The following TMEM164 variants were observed in gnomAD, a reference collection of about 807,000 sequenced individuals.
TMEM164 encodes RP13-360B22.2.
TMEM164 carries 4 observed loss-of-function variants against 18.8 expected under a neutral mutation model. The ratio of observed to expected loss-of-function variants is 0.21; its 90% confidence interval spans 0.10 to 0.49. The LOEUF is 0.49. Among genes scored for constraint, TMEM164 ranks in the 20% least tolerant of loss-of-function variants. The probability of loss-of-function intolerance (pLI) is 0.98; values close to 1 mark genes in which losing one functional copy is unlikely to be tolerated. For synonymous variants in TMEM164, 86 were observed against 101.7 expected (o/e 0.85, Z 0.93); for missense variants, 108 against 239.9 (o/e 0.45, Z 3.63).
intron 2 of TMEM164, among the ~76,000 whole-genome samples, chrX:110,065,756 C>G (rs1298992060): frequency 1.8e-5 from 2 of 111,405 alleles, no homozygotes; most frequent in Non-Finnish European, 3.8e-5. Context: ...ACATACACTC[C>G]CAGTGGGGTT....
intron 2 of TMEM164, among the ~76,000 whole-genome samples, chrX:110,014,533 G>A (rs1374898587): frequency 9.0e-6 from 1 of 110,854 alleles, no homozygotes; most frequent in Non-Finnish European, 1.9e-5. Flanking sequence ...AATTTAGAAG[G>A]TGGCTCTCAT....
At position 110,176,645 on chromosome X, in the gene TMEM164, C is replaced by T. The variant is rs1382509510; in HGVS notation, c.*3194C>T. The T allele has an allele frequency of 8.6e-6, 1 of 115,724 alleles. No homozygotes were observed. The highest frequency in any genetic ancestry group is 2.8e-4 in the East Asian group (1 of 3,568). 9.5% of individuals were successfully genotyped at this position (115,724 alleles called of 1,213,427 possible). On this transcript the variant is annotated 3_prime_UTR_variant, in exon 7 of 7. Transcript: ENST00000372068. ...AATTCAGTGTCCTATGAAGTGGGCA[C>T]AGCTCCCCACAGAGAGCAAGTTGTC... is the stretch of plus-strand genomic sequence containing the variant.
At chrX:110,116,861 CGTGTGTGTGTGTGTGGTGTGTGTGT>C (rs2066374310) in intron 4 of TMEM164, among the ~76,000 whole-genome samples, 2 of 88,818 alleles carry the variant, frequency 2.3e-5, no homozygotes, top group African/African-American at 4.3e-5. Flanking sequence ...TGCGCGTGTG[CGTGTGTGTGTGTGTGGTGTGTGTGT>C]GTGTGTGTGT....
intron 4 of TMEM164, among the ~76,000 whole-genome samples, chrX:110,127,995 A>G (rs915339233): frequency 1.8e-5 from 2 of 112,518 alleles, no homozygotes; most frequent in African/African-American, 6.5e-5. Context: ...AAAACCCATT[A>G]TGGTCTTAAG....
At chrX:110,055,651 T>G (rs1211551729) in intron 2 of TMEM164, among the ~76,000 whole-genome samples, 1 of 111,568 alleles carries the variant, frequency 9.0e-6, no homozygotes, top group Non-Finnish European at 1.9e-5. Flanking sequence ...TAAATAGTTT[T>G]TTAAGTGCCT....
At chrX:110,057,838 G>A (rs1022864762) in intron 2 of TMEM164, among the ~76,000 whole-genome samples, 14 of 111,161 alleles carry the variant, frequency 1.3e-4, no homozygotes, top group Non-Finnish European at 2.3e-4. Flanking sequence ...TTAAAATTGG[G>A]TTATTTGTAT....
chrX:110,095,265 G>C (rs2065997775), intron 3 of TMEM164, among the ~76,000 whole-genome samples: 1 of 112,116 alleles, frequency 8.9e-6, no homozygotes, highest in East Asian at 2.8e-4. Flanking sequence ...ATAATATGCT[G>C]CAGAGTGTTT....
chrX:110,035,160 T>A (rs1602508025), intron 2 of TMEM164, among the ~76,000 whole-genome samples: 1 of 107,910 alleles, frequency 9.3e-6, no homozygotes, highest in African/African-American at 3.4e-5. Context: ...GCATGGCACA[T>A]GTATACATAT....
intron 3 of TMEM164, among the ~76,000 whole-genome samples, chrX:110,094,098 T>C (rs748511191): frequency 2.0e-4 from 22 of 111,866 alleles, no homozygotes; most frequent in African/African-American, 6.5e-4. Context: ...AGGAGTGCTT[T>C]ACTTCCAACT....
At chrX:110,013,966 G>A (rs1273510624) in intron 2 of TMEM164, among the ~76,000 whole-genome samples, 1 of 111,501 alleles carries the variant, frequency 9.0e-6, no homozygotes, top group African/African-American at 3.3e-5. Flanking sequence ...CACTAGCTCT[G>A]TAACCGTGGG....
chrX:110,048,079 T>C (rs1935390223), intron 2 of TMEM164, among the ~76,000 whole-genome samples: 1 of 111,651 alleles, frequency 9.0e-6, no homozygotes, highest in Admixed American at 9.5e-5. Context: ...TTTCTTACCA[T>C]GTTTCCTCTG....
chrX:110,042,031 A>T (rs1283072327), intron 2 of TMEM164, among the ~76,000 whole-genome samples: 1 of 112,203 alleles, frequency 8.9e-6, no homozygotes, highest in Non-Finnish European at 1.9e-5. Context: ...ATATACATAT[A>T]ACATACAAAA....
At chrX:110,033,646 G>A (rs1297035227) in intron 2 of TMEM164, among the ~76,000 whole-genome samples, 1 of 111,343 alleles carries the variant, frequency 9.0e-6, no homozygotes, top group Non-Finnish European at 1.9e-5. Flanking sequence ...CAAACAGATG[G>A]CCCATATTCA....
chrX:110,165,717 T>A (rs1263863431), intron 5 of TMEM164, among the ~76,000 whole-genome samples: 1 of 112,172 alleles, frequency 8.9e-6, no homozygotes, highest in African/African-American at 3.2e-5. Flanking sequence ...TGGATAGGCA[T>A]TCAGTGCTGG....
At chrX:110,046,401 A>G (rs1414368030) in intron 2 of TMEM164, 6 of 754,426 alleles carry the variant, frequency 8.0e-6, no homozygotes, top group Non-Finnish European at 9.4e-6. Context: ...ATTAATGTGA[A>G]TGATAGAAGA....
chrX:110,098,539 A>G (rs2066056503), intron 3 of TMEM164, among the ~76,000 whole-genome samples: 1 of 111,613 alleles, frequency 9.0e-6, no homozygotes, highest in African/African-American at 3.3e-5. Context: ...TAGTTTTCCA[A>G]ATCAGTGCTT....
chrX:110,141,849 C>G (rs942043003), intron 4 of TMEM164, among the ~76,000 whole-genome samples: 1 of 111,670 alleles, frequency 9.0e-6, no homozygotes, highest in Non-Finnish European at 1.9e-5. Context: ...CCCCCTTTCT[C>G]TTACATCTTC....
chrX:110,067,814 C>T (rs933079660), intron 3 of TMEM164, among the ~76,000 whole-genome samples: 3 of 112,281 alleles, frequency 2.7e-5, no homozygotes, highest in African/African-American at 9.7e-5. Context: ...GGTTTTCCCC[C>T]CTAAAGTGCA....
At chrX:110,032,812 G>A (rs1934578123) in intron 2 of TMEM164, among the ~76,000 whole-genome samples, 1 of 111,988 alleles carries the variant, frequency 8.9e-6, no homozygotes, top group Non-Finnish European at 1.9e-5. Context: ...GTGCTAGAAA[G>A]TGCCATAGAA....
Sources: gnomAD v4.1 joint callset for allele counts (sites outside exome capture counted in the v4.1 genomes callset) on GRCh38, gnomAD v4.1.1 for gene constraint, MANE v1.5 for transcripts, NCBI Gene and HGNC (gene_info 2026-07-23, HGNC 2026-07-21) for gene names.